Variants in AFM observed in about 807,000 individuals in gnomAD.
The protein encoded by AFM is afamin.
Under a neutral mutation model 68.7 loss-of-function variants are expected in AFM, and 82 were observed. The ratio of observed to expected loss-of-function variants is 1.19; its 90% confidence interval spans 1.00 to 1.43. The LOEUF is 1.43. Among genes scored for constraint, AFM ranks in the 40% most tolerant of loss-of-function variants. The pLI is 0.00. For synonymous variants in AFM, 250 were observed against 234.2 expected, an observed-to-expected ratio of 1.07 and a Z score of -0.61; for missense variants, 772 against 701.8, an observed-to-expected ratio of 1.10 and a Z score of -1.13.
intron 7 of AFM, among the ~76,000 whole-genome samples, chr4:73,489,898 C>G (rs1056205269): frequency 6.6e-6 from 1 of 152,078 alleles, no homozygotes; most frequent in African/African-American, 2.4e-5. Context: ...GATAAGTTGA[C>G]AGGTGCAGCA....
chr4:73,484,474 C>CTTTCTT lies in AFM; in HGVS notation c.270+86_270+91dup, dbSNP rs1553893992. 3.7e-3 allele frequency: 2,160 copies of CTTTCTT among 585,046 alleles called. 6 individuals are homozygous for CTTTCTT. The highest frequency in any genetic ancestry group is 4.7e-3 in the Non-Finnish European group (1,718 of 365,968). The allele number at this position is 585,046 out of a possible 1,614,324, so 36.2% of individuals were successfully genotyped here. A position where few individuals can be genotyped will look rare whatever the true frequency, so the allele number is the denominator to read the frequency against. On this transcript the variant is annotated intron_variant, in intron 3 of 14. Coordinates refer to ENST00000226355, the MANE Select transcript of AFM (RefSeq NM_001133.2). ...TCTTTCTTTCTTTCTTTCTTTCTTTCTTTCTTTCTTTCTTTCTTTCTTTCT... is the reference window on the plus strand; with the variant it reads ...TCTTTCTTTCTTTCTTTCTTTCTTTCTTTCTTTTTCTTTCTTTCTTTCTTTCTTTCT...
At chr4:73,486,863 C>G (rs547687316) in intron 4 of AFM, 104 bp from the exon 5 acceptor site, 1 of 1,134,056 alleles carries the variant, frequency 8.8e-7, no homozygotes, top group Admixed American at 2.4e-5. Context: ...CTTTTCCTTC[C>G]CATCTTACCC....
chr4:73,498,393 C>A (rs1234012419), intron 10 of AFM, among the ~76,000 whole-genome samples: 1 of 152,138 alleles, frequency 6.6e-6, no homozygotes, highest in Non-Finnish European at 1.5e-5. Flanking sequence ...TCCAGTGATC[C>A]TCCCACGTCA....
At chr4:73,496,803 A>G (rs1057064541) in intron 9 of AFM, among the ~76,000 whole-genome samples, 14 of 152,290 alleles carry the variant, frequency 9.2e-5, no homozygotes, top group African/African-American at 3.4e-4. Context: ...TGTATTTCTG[A>G]ATACATATTA....
At chr4:73,491,050 G>T (rs1009365114) in intron 7 of AFM, among the ~76,000 whole-genome samples, 1 of 152,210 alleles carries the variant, frequency 6.6e-6, no homozygotes, top group Non-Finnish European at 1.5e-5. Context: ...CTAGTGTGTT[G>T]CTGTAACTCA....
chr4:73,492,774 G>A (rs1179608245), intron 8 of AFM, among the ~76,000 whole-genome samples: 11 of 141,820 alleles, frequency 7.8e-5, no homozygotes, highest in Admixed American at 2.2e-4. Flanking sequence ...CAGCCTGGGC[G>A]ACAGAGTGAG....
At position 73,494,210 on chromosome 4, in the gene AFM, GA is replaced by G. The variant is rs1289446706; in HGVS notation, c.1059-1085del. Among the ~76,000 whole-genome samples the G allele has an allele frequency of 2.0e-5, 3 of 152,014 alleles. No individual in the cohort carries two copies. The East Asian group carries it at 5.8e-4, about 29-fold the overall frequency. ...GGGAATATATCTCACAAATGGAATT[GA>G]AAAAGCAAATGGGAAGCTGGAGAGA... On this transcript the variant is annotated intron_variant, in intron 8 of 14. Coordinates refer to ENST00000226355, the MANE Select transcript of AFM (RefSeq NM_001133.2).
chr4:73,490,279 T>C lies in AFM; in HGVS notation c.843+1520T>C, dbSNP rs140916065. On this transcript the variant is annotated intron_variant, in intron 7 of 14. Coordinates refer to ENST00000226355, the MANE Select transcript of AFM (RefSeq NM_001133.2). ...ATTAAATAACTTGAATTTTAGGGTA[T>C]TGAGAAATGTTTATTTCAAACAATG... Among the ~76,000 whole-genome samples, 1,320 of 152,150 alleles carry C rather than the reference T, an allele frequency of 8.7e-3. 13 individuals are homozygous for C. The highest frequency in any genetic ancestry group is 0.013 in the Non-Finnish European group (854 of 67,996).
intron 10 of AFM, 115 bp downstream of exon 10, chr4:73,497,864 T>C: frequency 3.7e-6 from 2 of 542,660 alleles, no homozygotes; most frequent in Non-Finnish European, 6.2e-6. Flanking sequence ...TCATAAACTC[T>C]TGGAAGAATT....
At chr4:73,485,666 G>T (rs923915507) in intron 3 of AFM, among the ~76,000 whole-genome samples, 196 bp from the exon 4 acceptor site, 1 of 140,968 alleles carries the variant, frequency 7.1e-6, no homozygotes, top group African/African-American at 2.6e-5. Flanking sequence ...GGAGGAGGAG[G>T]AGGAGGAGGA....
intron 1 of AFM, among the ~76,000 whole-genome samples, chr4:73,483,555 C>T (rs1473094318): frequency 6.6e-6 from 1 of 152,216 alleles, no homozygotes; most frequent in Non-Finnish European, 1.5e-5. Context: ...CAGCATCTCT[C>T]ATCAGGCTCT....
intron 3 of AFM, 118 bp from the exon 4 acceptor site, chr4:73,485,744 G>C (rs954838373): frequency 2.7e-6 from 2 of 749,554 alleles, no homozygotes; most frequent in African/African-American, 3.5e-5. Context: ...AGGAGTAGGA[G>C]AAAGAGAAGG....
intron 7 of AFM, 44 bp from the exon 8 acceptor site, chr4:73,491,828 C>T: frequency 6.4e-7 from 1 of 1,554,814 alleles, no homozygotes; most frequent in Non-Finnish European, 8.8e-7. Flanking sequence ...TGGAAGAAAA[C>T]CCAGCCTGAA....
At chr4:73,498,510 C>G (rs983170657) in intron 10 of AFM, among the ~76,000 whole-genome samples, 13 of 152,160 alleles carry the variant, frequency 8.5e-5, no homozygotes, top group African/African-American at 3.1e-4. Context: ...TGGTCTTGAA[C>G]TTCTGAGCTC....
At chr4:73,484,018 T>C (rs1204165431) in intron 2 of AFM, 29 bp downstream of exon 2, 1 of 1,491,772 alleles carries the variant, frequency 6.7e-7, no homozygotes, top group Non-Finnish European at 9.1e-7. Context: ...TTTTTGATGA[T>C]GATTTTTAAA....
At chr4:73,485,597 G>A (rs1300962411) in intron 3 of AFM, among the ~76,000 whole-genome samples, 1 of 146,414 alleles carries the variant, frequency 6.8e-6, no homozygotes. Flanking sequence ...AGGAGAAGAG[G>A]AAGAGGAAGA....
intron 8 of AFM, 31 bp from the exon 9 acceptor site, chr4:73,495,269 T>G: frequency 6.5e-7 from 1 of 1,549,492 alleles, no homozygotes; most frequent in Non-Finnish European, 8.7e-7. Flanking sequence ...CTTTCTCTAA[T>G]TTCTAATATA....
At chr4:73,499,768 C>T (rs1035223801) in intron 11 of AFM, among the ~76,000 whole-genome samples, 2 of 152,020 alleles carry the variant, frequency 1.3e-5, no homozygotes, top group African/African-American at 4.8e-5. Context: ...TTATATGCCA[C>T]CAAGAAATTA....
At chr4:73,501,695 C>G (rs1721427614) in intron 12 of AFM, 92 bp from the exon 13 acceptor site, 8 of 1,407,520 alleles carry the variant, frequency 5.7e-6, no homozygotes, top group Middle Eastern at 3.8e-4. Context: ...CAAGCTGAGA[C>G]TCAAGACGTG....
Sources: gnomAD v4.1 joint callset for allele counts (sites outside exome capture counted in the v4.1 genomes callset) on GRCh38, gnomAD v4.1.1 for gene constraint, MANE v1.5 for transcripts, NCBI Gene and HGNC (gene_info 2026-07-23, HGNC 2026-07-21) for gene names.